Variants in MAGI2 observed in about 807,000 individuals in gnomAD.
MAGI2 encodes the protein membrane-associated guanylate kinase, WW and PDZ domain-containing protein 2.
In MAGI2, 35 loss-of-function variants were observed where a neutral mutation model predicts 133.3. That is an observed-to-expected ratio of 0.26 (90% CI 0.20 to 0.35). The LOEUF (loss-of-function observed/expected upper bound fraction) is 0.35, where lower values mean the gene tolerates loss of function less well. Among genes scored for constraint, MAGI2 ranks in the 10% least tolerant of loss-of-function variants. The pLI, the probability that MAGI2 is intolerant of heterozygous loss-of-function variation, is 1.00. For synonymous variants in MAGI2, 729 were observed against 710.6 expected, an observed-to-expected ratio of 1.03 and a Z score of -0.41; for missense variants, 1,636 against 1,863.4, an observed-to-expected ratio of 0.88 and a Z score of 2.25.
chr7:79,365,866 T>TAAAAAAAAAAA (rs1842667781), intron 1 of MAGI2, among the ~76,000 whole-genome samples: 1 of 3,584 alleles, frequency 2.8e-4, no homozygotes, highest in African/African-American at 7.9e-4. Flanking sequence ...GACTCTTGTC[T>TAAAAAAAAAAA]CAAAAAAAAA....
chr7:78,077,724 TG>T (rs1319449596), intron 21 of MAGI2, among the ~76,000 whole-genome samples: 17 of 132,200 alleles, frequency 1.3e-4, no homozygotes, highest in East Asian at 6.1e-4. Context: ...CTCTTTAGAA[TG>T]TTTTTTTTTT....
At chr7:78,238,853 C>G (rs1018254411) in intron 10 of MAGI2, among the ~76,000 whole-genome samples, 3 of 152,166 alleles carry the variant, frequency 2.0e-5, no homozygotes, top group African/African-American at 7.2e-5. Flanking sequence ...AACCCAAAGT[C>G]CTTTCTCTGG....
At chr7:78,468,355 A>G (rs914338565) in intron 6 of MAGI2, among the ~76,000 whole-genome samples, 6 of 152,158 alleles carry the variant, frequency 3.9e-5, no homozygotes, top group Non-Finnish European at 8.8e-5. Context: ...AATGCGTGAC[A>G]TATGTTGGCT....
At chr7:78,183,841 A>T (rs746875560) in intron 13 of MAGI2, among the ~76,000 whole-genome samples, 6 of 152,260 alleles carry the variant, frequency 3.9e-5, no homozygotes, top group South Asian at 4.1e-4. Context: ...TGCTGAGATT[A>T]TAGGCATGAG....
intron 1 of MAGI2, among the ~76,000 whole-genome samples, chr7:79,348,745 T>C (rs1304130201): frequency 6.6e-6 from 1 of 152,076 alleles, no homozygotes; most frequent in East Asian, 1.9e-4. Context: ...TTGATTTTTC[T>C]ATTTATGTAG....
chr7:79,182,602 A>G lies in MAGI2; in HGVS notation c.302-175396T>C, dbSNP rs1157396380. ...ACTATTAGTGGAAATGCAAACTAAT[A>G]TAGCATTATGAAAAATAGTATGAAG... is the stretch of plus-strand genomic sequence containing the variant. On this transcript the variant is annotated intron_variant, in intron 1 of 21. Transcript: ENST00000354212. Among the ~76,000 whole-genome samples the G allele has an allele frequency of 2.6e-5, 4 of 152,002 alleles. No individual in the cohort carries two copies. In the East Asian group the frequency reaches 5.8e-4, roughly 22 times the overall value.
intron 1 of MAGI2, among the ~76,000 whole-genome samples, chr7:79,193,340 A>G (rs1371525502): frequency 6.6e-6 from 1 of 152,014 alleles, no homozygotes; most frequent in East Asian, 1.9e-4. Context: ...GTTCTTCCTT[A>G]CTCATCAGTA....
intron 2 of MAGI2, among the ~76,000 whole-genome samples, chr7:78,974,264 C>T (rs907223015): frequency 1.3e-5 from 2 of 151,346 alleles, no homozygotes; most frequent in African/African-American, 4.8e-5. Context: ...AAATATCAAG[C>T]CTCTTTCGGG....
At chr7:78,893,551 T>TA (rs1194026111) in intron 2 of MAGI2, among the ~76,000 whole-genome samples, 1 of 152,050 alleles carries the variant, frequency 6.6e-6, no homozygotes, top group Non-Finnish European at 1.5e-5. Context: ...TATGCAGCCA[T>TA]AAAAAATGAT....
chr7:78,440,776 ACCCCG>A (rs141555861), intron 6 of MAGI2, among the ~76,000 whole-genome samples: 8,617 of 151,642 alleles, frequency 0.057, 327 homozygotes, highest in Non-Finnish European at 0.078. Context: ...ACATAGTGAA[ACCCCG>A]CCTCTACTAA....
chr7:78,414,556 C>G (rs1205154273), intron 6 of MAGI2, among the ~76,000 whole-genome samples: 3 of 151,848 alleles, frequency 2.0e-5, no homozygotes, highest in Non-Finnish European at 4.4e-5. Context: ...TTTTAAAAGA[C>G]CAAGAGAGGG....
chr7:78,573,154 CTATA>C (rs1170648202), intron 3 of MAGI2, among the ~76,000 whole-genome samples: 1 of 76,428 alleles, frequency 1.3e-5, no homozygotes, highest in Admixed American at 1.8e-4. Flanking sequence ...TATATATAGG[CTATA>C]TATATACACA....
chr7:78,752,619 A>G (rs1446103877), intron 2 of MAGI2, among the ~76,000 whole-genome samples: 1 of 152,280 alleles, frequency 6.6e-6, no homozygotes, highest in South Asian at 2.1e-4. Flanking sequence ...ATAAAATCTC[A>G]TCATAGTCAC....
At chr7:78,119,153 T>C (rs573611213) in intron 20 of MAGI2, among the ~76,000 whole-genome samples, 30 of 152,194 alleles carry the variant, frequency 2.0e-4, no homozygotes, top group African/African-American at 7.0e-4. Flanking sequence ...CAGGGGTTAG[T>C]GGGGAGGGAG....
Position 79,064,441 on chromosome 7 carries a change from T to C in MAGI2, c.302-57235A>G, listed in dbSNP as rs544592854. Among the ~76,000 whole-genome samples, 5 of 152,162 alleles carry C rather than the reference T, an allele frequency of 3.3e-5. No homozygotes were observed. In the South Asian group the frequency reaches 1.0e-3, roughly 32 times the overall value. Reference sequence around the variant, plus strand: ...CAAGTGCCTAAACCGGATCCCAGAATGTTGAACACATTTATCTTTTTAGAA... The same window carrying C: ...CAAGTGCCTAAACCGGATCCCAGAACGTTGAACACATTTATCTTTTTAGAA... On this transcript the variant is annotated intron_variant, in intron 1 of 21. Coordinates refer to ENST00000354212, the MANE Select transcript of MAGI2 (RefSeq NM_012301.4).
intron 3 of MAGI2, among the ~76,000 whole-genome samples, chr7:78,529,668 G>GTTTGTTTTT (rs1797279474): frequency 1.7e-5 from 1 of 57,382 alleles, no homozygotes; most frequent in Non-Finnish European, 3.5e-5. Context: ...AAAGGAGATG[G>GTTTGTTTTT]TTTTTTTTTT....
intron 6 of MAGI2, among the ~76,000 whole-genome samples, chr7:78,402,198 G>T (rs4995005): frequency 0.8 from 119,740 of 150,194 alleles, 47,896 homozygotes; most frequent in African/African-American, 0.91. Context: ...CCACCTGGGG[G>T]GTGTGTGTGT....
At chr7:78,403,550 G>A (rs1273990779) in intron 6 of MAGI2, among the ~76,000 whole-genome samples, 4 of 152,044 alleles carry the variant, frequency 2.6e-5, no homozygotes, top group Admixed American at 2.6e-4. Flanking sequence ...GTATTTCTAG[G>A]TCTAGATCCT....
chr7:78,835,702 C>T (rs755859383), intron 2 of MAGI2, among the ~76,000 whole-genome samples: 23 of 152,096 alleles, frequency 1.5e-4, no homozygotes, highest in Non-Finnish European at 2.6e-4. Flanking sequence ...AGGAAGGAGA[C>T]GTTAGCATAA....
Sources: gnomAD v4.1 joint callset for allele counts (sites outside exome capture counted in the v4.1 genomes callset) on GRCh38, gnomAD v4.1.1 for gene constraint, MANE v1.5 for transcripts, NCBI Gene and HGNC (gene_info 2026-07-23, HGNC 2026-07-21) for gene names.